The following ATP2C2 variants were observed in gnomAD, a reference collection of about 807,000 sequenced individuals.
ATP2C2 encodes the protein ATPase secretory pathway Ca2+ transporting 2.
In ATP2C2, 171 loss-of-function variants were observed where a neutral mutation model predicts 110.8. The ratio of observed to expected loss-of-function variants is 1.54; its 90% CI spans 1.36 to 1.75. The LOEUF (loss-of-function observed/expected upper bound fraction) is 1.75, where lower values mean the gene tolerates loss of function less well. Ranked by LOEUF, ATP2C2 falls within the 40% of genes most tolerant of loss-of-function variation. The pLI is 0.00. For synonymous variants in ATP2C2, 804 were observed against 508.4 expected (o/e 1.58, Z -7.82); for missense variants, 1,963 against 1,235.0 (o/e 1.59, Z -8.84).
intron 17 of ATP2C2, among the ~76,000 whole-genome samples, chr16:84,451,054 A>G (rs1399097098): frequency 6.6e-6 from 1 of 152,128 alleles, no homozygotes; most frequent in Non-Finnish European, 1.5e-5. Flanking sequence ...CAGACCTGAG[A>G]CTAGGTAATT....
At chr16:84,391,551 A>G (rs1904664014) in intron 1 of ATP2C2, among the ~76,000 whole-genome samples, 1 of 152,250 alleles carries the variant, frequency 6.6e-6, no homozygotes, top group Non-Finnish European at 1.5e-5. Context: ...AAAAGCAGAC[A>G]GAGACGCTTG....
At chr16:84,455,208 T>C (rs769772972) in intron 21 of ATP2C2, among the ~76,000 whole-genome samples, 1 of 152,072 alleles carries the variant, frequency 6.6e-6, no homozygotes, top group Non-Finnish European at 1.5e-5. Context: ...AGTCACATGC[T>C]GCCCCCAGGG....
chr16:84,432,541 T>C (rs899837729), intron 11 of ATP2C2, among the ~76,000 whole-genome samples: 4 of 152,042 alleles, frequency 2.6e-5, no homozygotes, highest in Non-Finnish European at 5.9e-5. Context: ...TGCTTGTTTT[T>C]GAGATGGAGT....
chr16:84,403,120 T>C lies in ATP2C2; in HGVS notation c.211-2008T>C, dbSNP rs141424917. 8.8e-3 allele frequency among the ~76,000 whole-genome samples: 1,334 copies of C among 152,312 alleles called. 8 individuals are homozygous for C. The highest frequency in any genetic ancestry group is 0.016 in the African/African-American group (665 of 41,572). ...GGCCCTTTGACTTTCTGTGATATAA[T>C]TTGTGAAGTTTCCTTTTTCATTTCT... On this transcript the variant is annotated intron_variant, in intron 2 of 26. Coordinates refer to ENST00000262429, the MANE Select transcript of ATP2C2 (RefSeq NM_014861.4).
At chr16:84,438,612 A>G (rs1908956617) in intron 11 of ATP2C2, among the ~76,000 whole-genome samples, 1 of 152,118 alleles carries the variant, frequency 6.6e-6, no homozygotes, top group South Asian at 2.1e-4. Flanking sequence ...GAGGGGTAAG[A>G]AAGAAGTGAG....
chr16:84,405,350 C>CG, intron 3 of ATP2C2, 106 bp downstream of exon 3: 2 of 983,254 alleles, frequency 2.0e-6, no homozygotes, highest in Non-Finnish European at 3.0e-6. Context: ...GGACAGCTCC[C>CG]GCCCCTTTCA....
At chr16:84,455,488 T>G (rs779918225) in intron 21 of ATP2C2, among the ~76,000 whole-genome samples, 1 of 152,178 alleles carries the variant, frequency 6.6e-6, no homozygotes, top group African/African-American at 2.4e-5. Flanking sequence ...ACGGAGGTGC[T>G]CTCTAGGTTC....
chr16:84,461,729 G>C lies in ATP2C2; in HGVS notation c.2497G>C (p.Ala833Pro). ...CACCTTCCAGATGCCTGAAGACAGAGCAAGCACTCCCCGCACCACGACGAT... is the reference window on the plus strand; with the variant it reads ...CACCTTCCAGATGCCTGAAGACAGACCAAGCACTCCCCGCACCACGACGAT... ...IFWKEMPEDR[A>P]STPRTTTMTF... is the part of the protein sequence containing the mutation. The change falls in exon 25 of 27, where the codon GCA becomes CCA. Residue 833 changes from alanine to proline, a missense_variant. Transcript: ENST00000262429. 6.2e-7 allele frequency: 1 copy of C among 1,614,170 alleles called. No individual in the cohort carries two copies. The highest frequency in any genetic ancestry group is 8.5e-7 in the Non-Finnish European group (1 of 1,180,010).
chr16:84,400,136 A>G (rs926069536), intron 2 of ATP2C2, among the ~76,000 whole-genome samples: 5 of 152,096 alleles, frequency 3.3e-5, no homozygotes, highest in African/African-American at 1.2e-4. Flanking sequence ...CATTGTGTAT[A>G]TGTACCACAT....
Position 84,439,180 on chromosome 16 carries a change from C to A in ATP2C2, c.1001C>A (p.Ala334Asp). 1 of 1,612,188 alleles carries A rather than the reference C, an allele frequency of 6.2e-7. No homozygotes were observed. Among genetic ancestry groups the A allele is most frequent in the South Asian group, 1.1e-5 (1 of 90,988 alleles). Reference sequence around the variant, plus strand: ...TTTCGATCCAGCCTGGCTGTGGCGGCCATTCCAGAGGGTCTGCCCATCGTC... The same window carrying A: ...TTTCGATCCAGCCTGGCTGTGGCGGACATTCCAGAGGGTCTGCCCATCGTC... ...FTIGVSLAVA[A>D]IPEGLPIVVM... The change falls in exon 12 of 27, where the codon GCC becomes GAC. Residue 334 changes from alanine (A) to aspartate (D), a missense_variant. By Grantham distance (126) the Ala-to-Asp change is moderately radical. Transcript: ENST00000262429.
At chr16:84,375,959 G>C (rs1110561) in intron 1 of ATP2C2, among the ~76,000 whole-genome samples, 150,956 of 152,032 alleles carry the variant, frequency 0.99, 74,948 homozygotes, top group Middle Eastern at 1. Context: ...GCTCGGTGGG[G>C]GTAGCTGGGT....
At chr16:84,443,179 A>G (rs12445867) in intron 15 of ATP2C2, among the ~76,000 whole-genome samples, 38,433 of 151,908 alleles carry the variant, frequency 0.25, 5,590 homozygotes, top group East Asian at 0.54. Context: ...CTGGGAATGC[A>G]GGTGACAGGA....
At chr16:84,447,011 G>C (rs1272174253) in intron 16 of ATP2C2, among the ~76,000 whole-genome samples, 1 of 152,188 alleles carries the variant, frequency 6.6e-6, no homozygotes, top group Non-Finnish European at 1.5e-5. Context: ...CACATACCAA[G>C]CTATGGCCAC....
intron 3 of ATP2C2, chr16:84,407,259 C>T (rs1370814025): frequency 6.6e-6 from 1 of 152,228 alleles, no homozygotes; most frequent in East Asian, 1.9e-4. Context: ...AGGAATTCTA[C>T]CTTAGCACGG....
rs115593981 is a variant in ATP2C2, at chr16:84,460,808, G to A, written c.2481+7G>A. 19 of 1,609,102 alleles carry A rather than the reference G, an allele frequency of 1.2e-5. No individual in the cohort carries two copies. In the East Asian group the frequency reaches 2.5e-4, roughly 21 times the overall value. On this transcript the variant is annotated splice_region_variant and intron_variant, in intron 24 of 26. Transcript: ENST00000262429. Reference sequence around the variant, plus strand: ...CTTTATCTTCTGGAAGGAGGTGAGCGAGGGTCACCCCGGCCTGTTCTCCAA... The same window carrying A: ...CTTTATCTTCTGGAAGGAGGTGAGCAAGGGTCACCCCGGCCTGTTCTCCAA...
At chr16:84,414,743 C>G (rs1468740671) in intron 6 of ATP2C2, among the ~76,000 whole-genome samples, 1 of 152,148 alleles carries the variant, frequency 6.6e-6, no homozygotes, top group Non-Finnish European at 1.5e-5. Flanking sequence ...CCAGAAGGAG[C>G]CTGTGCGTTT....
chr16:84,384,535 G>C (rs2151402743), intron 1 of ATP2C2, among the ~76,000 whole-genome samples: 2 of 152,266 alleles, frequency 1.3e-5, no homozygotes, highest in South Asian at 4.2e-4. Flanking sequence ...GCGTCTGCCA[G>C]GTTTCCCTTA....
chr16:84,453,220 C>T lies in ATP2C2; in HGVS notation c.1914C>T (p.Ala638=), dbSNP rs773582994. 49 of 1,613,680 alleles carry T rather than the reference C, an allele frequency of 3.0e-5. No individual in the cohort carries two copies. The highest frequency in any genetic ancestry group is 1.3e-4 in the South Asian group (12 of 91,072). The change falls in exon 19 of 27, where the codon GCC becomes GCT. Residue 638 remains alanine, a synonymous_variant. Coordinates refer to ENST00000262429, the MANE Select transcript of ATP2C2 (RefSeq NM_014861.4). ...ACAGCGTGGAGAAGGGCGAGCTGGC[C>T]GACCGCGTGGGGAAGGTGGGTCCCC... ...EVDSVEKGEL[A]DRVGKVSVFF...
chr16:84,386,487 C>T (rs6564023), intron 1 of ATP2C2, among the ~76,000 whole-genome samples: 151,380 of 152,318 alleles, frequency 0.99, 75,225 homozygotes, highest in Middle Eastern at 1. Flanking sequence ...AACAATTGCA[C>T]TGGCCACCAC....
Sources: gnomAD v4.1 joint callset for allele counts (sites outside exome capture counted in the v4.1 genomes callset) on GRCh38, gnomAD v4.1.1 for gene constraint, MANE v1.5 for transcripts, NCBI Gene and HGNC (gene_info 2026-07-23, HGNC 2026-07-21) for gene names.